BRINP3: variants seen among roughly 807,000 people sequenced by gnomAD.
The protein encoded by BRINP3 is BMP/retinoic acid-inducible neural-specific protein 3.
BRINP3 carries 19 observed loss-of-function variants against 71.0 expected under a neutral mutation model. The ratio of observed to expected loss-of-function variants is 0.27; its 90% CI spans 0.19 to 0.39. The LOEUF (loss-of-function observed/expected upper bound fraction) is 0.39. Ranked by LOEUF, BRINP3 falls within the 10% of genes least tolerant of loss-of-function variation. The pLI, the probability that BRINP3 is intolerant of heterozygous loss-of-function variation, is 1.00. For synonymous variants in BRINP3, 380 were observed against 337.7 expected (o/e 1.13, Z -1.37); for missense variants, 959 against 940.8 (o/e 1.02, Z -0.25).
At chr1:190,350,951 T>G (rs1668346991) in intron 2 of BRINP3, among the ~76,000 whole-genome samples, 1 of 151,824 alleles carries the variant, frequency 6.6e-6, no homozygotes, top group South Asian at 2.1e-4. Context: ...GCCTCCCAAG[T>G]AGCTGGGATT....
At position 190,277,113 on chromosome 1, in the gene BRINP3, A is replaced by ATATATATATATATATATTTATT. The variant is rs746851050; in HGVS notation, c.427+4446_427+4447insAATAAATATATATATATATATA. On this transcript the variant is annotated intron_variant, in intron 3 of 7. Transcript: ENST00000367462. ...TATATATATATATATATATATATAT[A>ATATATATATATATATATTTATT]TATATTTATATTCAGAAAAGAAAAC... Among the ~76,000 whole-genome samples the ATATATATATATATATATTTATT allele has an allele frequency of 4.2e-4, 45 of 107,474 alleles. 2 individuals carry two copies. In the Admixed American group the frequency reaches 4.8e-3, roughly 12 times the overall value. 70.5% of individuals were successfully genotyped at this position (107,474 alleles called of 152,430 possible).
intron 2 of BRINP3, among the ~76,000 whole-genome samples, chr1:190,403,962 A>C: frequency 6.6e-6 from 1 of 152,204 alleles, no homozygotes; most frequent in East Asian, 1.9e-4. Flanking sequence ...TATGAACTGT[A>C]TGTGAATTTA....
At chr1:190,367,152 G>A (rs1220436428) in intron 2 of BRINP3, among the ~76,000 whole-genome samples, 2 of 152,184 alleles carry the variant, frequency 1.3e-5, no homozygotes, top group East Asian at 3.9e-4. Flanking sequence ...TTCTCCGTGA[G>A]CATTCCACCC....
intron 2 of BRINP3, among the ~76,000 whole-genome samples, chr1:190,404,685 A>C (rs148602802): frequency 3.1e-4 from 47 of 152,328 alleles, no homozygotes; most frequent in African/African-American, 1.0e-3. Context: ...AGTTTGCCAG[A>C]GAATATAAAT....
chr1:190,284,184 C>G (rs373773106), intron 2 of BRINP3, among the ~76,000 whole-genome samples: 1 of 151,762 alleles, frequency 6.6e-6, no homozygotes, highest in Non-Finnish European at 1.5e-5. Context: ...CTATTCTGAC[C>G]TGATGTATTT....
intron 6 of BRINP3, among the ~76,000 whole-genome samples, chr1:190,181,315 C>T (rs1299835100): frequency 6.6e-6 from 1 of 151,954 alleles, no homozygotes; most frequent in Admixed American, 6.6e-5. Flanking sequence ...TAATAATTTA[C>T]ATAATGAGGA....
chr1:190,120,506 A>AT (rs1042784530), intron 7 of BRINP3, among the ~76,000 whole-genome samples: 30 of 151,794 alleles, frequency 2.0e-4, no homozygotes, highest in Non-Finnish European at 3.1e-4. Context: ...TAATTAATTT[A>AT]TTTTTTTGAG....
intron 4 of BRINP3, among the ~76,000 whole-genome samples, chr1:190,253,429 A>C (rs1295989245): frequency 6.6e-6 from 1 of 152,146 alleles, no homozygotes; most frequent in Admixed American, 6.6e-5. Context: ...CATCCTCTCC[A>C]GCATCTGTTG....
At chr1:190,169,133 C>T (rs909586539) in intron 6 of BRINP3, among the ~76,000 whole-genome samples, 5 of 152,162 alleles carry the variant, frequency 3.3e-5, no homozygotes, top group African/African-American at 1.2e-4. Flanking sequence ...GGTATTCTAG[C>T]TTCTGGCCTA....
chr1:190,201,023 A>G (rs940443771), intron 6 of BRINP3, among the ~76,000 whole-genome samples: 19 of 152,192 alleles, frequency 1.2e-4, no homozygotes, highest in African/African-American at 4.6e-4. Flanking sequence ...AAAATGGGGA[A>G]GCAACTTTGG....
chr1:190,184,705 A>G (rs1415273247), intron 6 of BRINP3, among the ~76,000 whole-genome samples: 15 of 152,128 alleles, frequency 9.9e-5, no homozygotes, highest in Admixed American at 9.8e-4. Flanking sequence ...ATGTACATAA[A>G]CGTAGCAAAA....
intron 7 of BRINP3, among the ~76,000 whole-genome samples, chr1:190,114,157 G>C (rs1440543704): frequency 6.6e-6 from 1 of 152,022 alleles, no homozygotes; most frequent in African/African-American, 2.4e-5. Context: ...AGAAGTGTAT[G>C]GCATCTCCTC....
chr1:190,196,909 C>T (rs1654533805), intron 6 of BRINP3, among the ~76,000 whole-genome samples: 1 of 150,108 alleles, frequency 6.7e-6, no homozygotes, highest in Non-Finnish European at 1.5e-5. Context: ...GAAATAAGCT[C>T]ATCGTTATTA....
At chr1:190,212,020 C>T (rs1656030818) in intron 6 of BRINP3, among the ~76,000 whole-genome samples, 1 of 152,018 alleles carries the variant, frequency 6.6e-6, no homozygotes, top group South Asian at 2.1e-4. Context: ...CAGTATAGTG[C>T]AATGAGCATA....
chr1:190,435,916 A>G (rs1189042441), intron 2 of BRINP3, among the ~76,000 whole-genome samples: 1 of 151,990 alleles, frequency 6.6e-6, no homozygotes, highest in Non-Finnish European at 1.5e-5. Context: ...TGAGCTTTTC[A>G]CAACCCTGTG....
chr1:190,242,506 A>G (rs1659201230), intron 4 of BRINP3, among the ~76,000 whole-genome samples: 2 of 152,134 alleles, frequency 1.3e-5, no homozygotes. Context: ...AAACACATTC[A>G]GTGCAAGGGA....
At chr1:190,254,548 G>T (rs970250097) in intron 4 of BRINP3, among the ~76,000 whole-genome samples, 2 of 152,094 alleles carry the variant, frequency 1.3e-5, no homozygotes, top group Non-Finnish European at 2.9e-5. Flanking sequence ...GTGAATAGGA[G>T]TTCACTCATG....
intron 6 of BRINP3, among the ~76,000 whole-genome samples, chr1:190,186,262 C>T (rs1450955240): frequency 6.6e-6 from 1 of 151,864 alleles, no homozygotes; most frequent in African/African-American, 2.4e-5. Context: ...TCTGTAATCC[C>T]AGCTACTTGG....
At chr1:190,365,806 GTATATATATATATATATATATA>G (rs66540359) in intron 2 of BRINP3, among the ~76,000 whole-genome samples, 2 of 127,876 alleles carry the variant, frequency 1.6e-5, no homozygotes, top group Non-Finnish European at 3.3e-5. Context: ...GAGAGCAAGT[GTATATATATATATATATATATA>G]TATATATACA....
Sources: allele counts gnomAD v4.1 joint callset (sites outside exome capture counted in the v4.1 genomes callset), GRCh38; gene constraint gnomAD v4.1.1; transcripts MANE v1.5; gene names NCBI Gene and HGNC (gene_info 2026-07-23, HGNC 2026-07-21).